SVOP: variants seen among roughly 807,000 people sequenced by gnomAD.
The protein encoded by SVOP is SV2 related protein.
A neutral mutation model predicts 69.1 loss-of-function variants in SVOP; 17 were observed. That is an observed-to-expected ratio of 0.25 (90% CI 0.17 to 0.37). SVOP has a LOEUF of 0.37. Ranked by LOEUF, SVOP falls within the 10% of genes least tolerant of loss-of-function variation. The probability of loss-of-function intolerance (pLI) is 1.00; values close to 1 mark genes in which losing one functional copy is unlikely to be tolerated. For synonymous variants in SVOP, 238 were observed against 238.6 expected (o/e 1.00, Z 0.02); for missense variants, 435 against 597.5 (o/e 0.73, Z 2.84).
rs565508858 is a variant in SVOP, at chr12:108,949,882, G to A, written c.579-4716C>T. ...GCCTTTGTGGCAGGCCAGAAGTGCC[G>A]AAGAATTTAAACTTCCCGGGAGTAG... On this transcript the variant is annotated intron_variant, in intron 6 of 15. Transcript: ENST00000610966. Among the ~76,000 whole-genome samples the A allele has an allele frequency of 5.9e-5, 9 of 152,218 alleles. No individual in the cohort carries two copies. In the South Asian group the frequency reaches 8.3e-4, roughly 14 times the overall value.
At chr12:108,939,572 G>C (rs1187519457) in intron 8 of SVOP, among the ~76,000 whole-genome samples, 2 of 152,222 alleles carry the variant, frequency 1.3e-5, no homozygotes, top group Non-Finnish European at 2.9e-5. Context: ...CTAGGAGTTA[G>C]AAGATCTGAT....
At chr12:108,931,197 C>T (rs1045780445) in intron 11 of SVOP, among the ~76,000 whole-genome samples, 1 of 152,146 alleles carries the variant, frequency 6.6e-6, no homozygotes, top group African/African-American at 2.4e-5. Context: ...GACTCCACTA[C>T]CTCACTCAAT....
chr12:108,969,418 G>A (rs549455982), intron 5 of SVOP, among the ~76,000 whole-genome samples: 2 of 121,540 alleles, frequency 1.6e-5, no homozygotes, highest in South Asian at 2.6e-4. Flanking sequence ...TTTCACTCTT[G>A]TTGCCCAGGC....
chr12:108,978,971 A>G (rs192288693), intron 2 of SVOP, among the ~76,000 whole-genome samples: 12 of 152,334 alleles, frequency 7.9e-5, no homozygotes, highest in Admixed American at 7.8e-4. Flanking sequence ...AGTTAACAAG[A>G]ATGTGCAGAT....
chr12:108,994,959 A>G (rs12319909), intron 1 of SVOP, among the ~76,000 whole-genome samples: 109,089 of 151,882 alleles, frequency 0.72, 41,653 homozygotes, highest in Non-Finnish European at 0.84. Flanking sequence ...TGGGCAACAT[A>G]GTAAGACCCT....
chr12:108,981,824 C>G (rs2040136643), intron 2 of SVOP, among the ~76,000 whole-genome samples: 2 of 152,146 alleles, frequency 1.3e-5, no homozygotes. Context: ...CCATTACTAT[C>G]ACACTATCAT....
intron 11 of SVOP, among the ~76,000 whole-genome samples, chr12:108,933,275 G>A (rs1236859043): frequency 6.6e-6 from 1 of 152,126 alleles, no homozygotes; most frequent in African/African-American, 2.4e-5. Flanking sequence ...TACTTTGGGG[G>A]CTGAAGTAGG....
intron 11 of SVOP, among the ~76,000 whole-genome samples, chr12:108,927,353 A>G (rs909605272): frequency 6.6e-6 from 1 of 152,216 alleles, no homozygotes; most frequent in Admixed American, 6.6e-5. Context: ...TTTATTAATT[A>G]ATGAGTTAAT....
intron 1 of SVOP, among the ~76,000 whole-genome samples, chr12:109,002,726 C>T (rs1424294238): frequency 2.0e-5 from 3 of 148,984 alleles, no homozygotes; most frequent in Non-Finnish European, 4.4e-5. Flanking sequence ...CCAAACACCG[C>T]GTATTCTCAC....
chr12:108,934,232 G>C lies in SVOP; in HGVS notation c.1011C>G (p.Leu337=), dbSNP rs1046692985. Reference sequence around the variant, plus strand: ...CTCCTGCCTGGAAGAGTTCTGTGGTGAGTAGAACTAACCCGTAGTAAGAGA... The same window carrying C: ...CTCCTGCCTGGAAGAGTTCTGTGGTCAGTAGAACTAACCCGTAGTAAGAGA... ...NAFSYYGLVL[L]TTELFQAGDV... is the part of the protein sequence containing the mutation. Residue 337 remains leucine, a synonymous_variant, in exon 11 of 16, where the codon CTC becomes CTG. Coordinates refer to ENST00000610966, the MANE Select transcript of SVOP (RefSeq NM_018711.5). The C allele has an allele frequency of 1.9e-6, 3 of 1,606,954 alleles. No individual in the cohort carries two copies. The highest frequency in any genetic ancestry group is 1.7e-6 in the Non-Finnish European group (2 of 1,176,764).
chr12:108,941,833 T>C (rs2137407209), intron 7 of SVOP, among the ~76,000 whole-genome samples: 1 of 152,056 alleles, frequency 6.6e-6, no homozygotes, highest in Admixed American at 6.6e-5. Context: ...CCCAGCTAAT[T>C]TTTGTATTTT....
At chr12:108,977,310 T>C in intron 4 of SVOP, 88 bp downstream of exon 4, 1 of 1,445,436 alleles carries the variant, frequency 6.9e-7, no homozygotes, top group Non-Finnish European at 9.3e-7. Context: ...CTGCTGAGCC[T>C]TCGGCAGCAG....
intron 1 of SVOP, among the ~76,000 whole-genome samples, chr12:109,016,211 C>T (rs1401570243): frequency 6.6e-6 from 1 of 152,248 alleles, no homozygotes; most frequent in Non-Finnish European, 1.5e-5. Flanking sequence ...GATAGGCACT[C>T]AGCCTTGGGG....
intron 9 of SVOP, 104 bp downstream of exon 9, chr12:108,938,723 A>AT (rs1434181804): frequency 6.5e-7 from 1 of 1,548,850 alleles, no homozygotes; most frequent in Non-Finnish European, 8.8e-7. Flanking sequence ...TTGGGTACAC[A>AT]TACCCACATG....
intron 10 of SVOP, among the ~76,000 whole-genome samples, chr12:108,935,038 C>A (rs1287128570): frequency 1.3e-5 from 2 of 152,174 alleles, no homozygotes; most frequent in African/African-American, 2.4e-5. Context: ...AATCAGGACA[C>A]CTTTCTGGTA....
chr12:108,929,704 T>A (rs548454333), intron 11 of SVOP, among the ~76,000 whole-genome samples: 1 of 152,260 alleles, frequency 6.6e-6, no homozygotes, highest in East Asian at 1.9e-4. Context: ...GCTCCCTGGC[T>A]ATAAATCCCC....
At chr12:108,968,760 G>GTGTT (rs2040061205) in intron 5 of SVOP, among the ~76,000 whole-genome samples, 1 of 151,764 alleles carries the variant, frequency 6.6e-6, no homozygotes, top group Non-Finnish European at 1.5e-5. Flanking sequence ...GTGTGTGTGT[G>GTGTT]TGTGTGTTTG....
rs962340328 is a variant in SVOP, at chr12:108,916,001, G to T, written c.1351-129C>A. On this transcript the variant is annotated intron_variant, in intron 14 of 15. Coordinates refer to ENST00000610966, the MANE Select transcript of SVOP (RefSeq NM_018711.5). ...GGCAAATCCCTCCAGTGCTGGTGAC[G>T]CCCTTAAGGGACAGGGATCCTCACC... is the stretch of plus-strand genomic sequence containing the variant. 36 of 808,168 alleles carry T rather than the reference G, an allele frequency of 4.5e-5. No individual in the cohort carries two copies. The African/African-American group carries it at 5.3e-4, about 12-fold the overall frequency. The allele number at this position is 808,168 out of a possible 1,614,324, so 50.1% of individuals were successfully genotyped here.
chr12:108,983,483 C>T (rs1484847902), intron 2 of SVOP, 118 bp downstream of exon 2: 2 of 397,988 alleles, frequency 5.0e-6, no homozygotes, highest in African/African-American at 4.1e-5. Flanking sequence ...CCAGCTCCAC[C>T]CCTTGGCCCC....
Sources: gnomAD v4.1 joint callset for allele counts (sites outside exome capture counted in the v4.1 genomes callset) on GRCh38, gnomAD v4.1.1 for gene constraint, MANE v1.5 for transcripts, NCBI Gene and HGNC (gene_info 2026-07-23, HGNC 2026-07-21) for gene names.